Variants in IL32 observed in about 807,000 individuals in gnomAD.
IL32 encodes the protein interleukin-32.
In IL32, 30 loss-of-function variants were observed where a neutral mutation model predicts 16.6. The ratio of observed to expected loss-of-function variants is 1.81; its 90% CI spans 1.35 to 2.45. The LOEUF (loss-of-function observed/expected upper bound fraction) is 2.45, where lower values mean the gene tolerates loss of function less well. IL32 is among the 30% of genes most tolerant of loss of function. IL32 has a pLI of 0.00. For synonymous variants in IL32, 70 were observed against 86.1 expected (o/e 0.81, Z 1.03); for missense variants, 234 against 229.8 (o/e 1.02, Z -0.12).
intron 4 of IL32, 175 bp downstream of exon 4, chr16:3,067,788 G>C: frequency 2.5e-6 from 2 of 806,372 alleles, no homozygotes; most frequent in Non-Finnish European, 4.1e-6. Context: ...GGATCTGGAC[G>C]CCCGGGGAGA....
Position 3,065,704 on chromosome 16 carries a change from C to A in IL32, c.-29+17C>A. On this transcript the variant is annotated intron_variant, in intron 1 of 6. Transcript: ENST00000525643. ...TCATCTCAGGTGGGGAGTTGGGGTC[C>A]CCGAAGGTGAGGACCCTCTGGGGAG... The A allele has an allele frequency of 7.7e-7, 1 of 1,290,344 alleles. No individual in the cohort carries two copies. Among genetic ancestry groups the A allele is most frequent in the Non-Finnish European group, 1.1e-6 (1 of 885,032 alleles). 79.9% of individuals were successfully genotyped at this position (1,290,344 alleles called of 1,614,324 possible). A position where few individuals can be genotyped will look rare whatever the true frequency, so the allele number is the denominator to read the frequency against.
intron 6 of IL32, 141 bp downstream of exon 6, chr16:3,068,380 A>G: frequency 1.3e-6 from 1 of 744,544 alleles, no homozygotes; most frequent in Non-Finnish European, 2.2e-6. Flanking sequence ...ATCTTGGCTC[A>G]CTGCAACCTC....
At chr16:3,068,796 C>T in intron 6 of IL32, 194 bp from the exon 7 acceptor site, 1 of 864,226 alleles carries the variant, frequency 1.2e-6, no homozygotes, top group Non-Finnish European at 1.8e-6. Context: ...CATCCTGTCA[C>T]TGCCATGGAG....
chr16:3,065,843 G>T lies in IL32; in HGVS notation c.15+17G>T, dbSNP rs374370998. On this transcript the variant is annotated intron_variant, in intron 2 of 6. Transcript: ENST00000525643. ...TTCCCGAAGGTGAGTGAGAGGCTGCGTGTGCTTTTGTGGGCATGTCTGAAA... is the reference window on the plus strand; with the variant it reads ...TTCCCGAAGGTGAGTGAGAGGCTGCTTGTGCTTTTGTGGGCATGTCTGAAA... The T allele has an allele frequency of 1.2e-6, 2 of 1,614,052 alleles. No individual in the cohort carries two copies. Among genetic ancestry groups the T allele is most frequent in the Non-Finnish European group, 1.7e-6 (2 of 1,180,028 alleles).
In IL32 at chr16:3,067,721, T is replaced by C. The variant is rs760631512; in HGVS notation, c.114+108T>C. The C allele has an allele frequency of 5.2e-6, 5 of 965,804 alleles. No individual in the cohort carries two copies. The South Asian group carries it at 7.1e-5, about 14-fold the overall frequency. 59.8% of individuals were successfully genotyped at this position (965,804 alleles called of 1,614,324 possible). On this transcript the variant is annotated intron_variant, in intron 4 of 6. Coordinates refer to ENST00000525643, the MANE Select transcript of IL32 (RefSeq NM_001376923.1). The stretch of plus-strand genomic sequence containing the variant: ...GATGAAGAGGGACCCACAGGCTCCC[T>C]CACCCCTTACCGTGGGCAAATGCTT...
At chr16:3,065,932 CAG>C (rs1956258913) in intron 2 of IL32, 106 bp downstream of exon 2, 2 of 1,317,210 alleles carry the variant, frequency 1.5e-6, no homozygotes, top group Non-Finnish European at 2.2e-6. Flanking sequence ...AGGGCTCAGT[CAG>C]GGGCACCCAG....
intron 2 of IL32, among the ~76,000 whole-genome samples, chr16:3,067,156 C>T (rs937346411): frequency 1.5e-4 from 23 of 152,104 alleles, no homozygotes; most frequent in African/African-American, 4.3e-4. Flanking sequence ...TGAGCCGGCT[C>T]CTGAGAGAAG....
intron 3 of IL32, 36 bp from the exon 4 acceptor site, chr16:3,067,517 TC>T: frequency 6.2e-7 from 1 of 1,613,992 alleles, no homozygotes; most frequent in Non-Finnish European, 8.5e-7. Flanking sequence ...GGGACAAGGA[TC>T]CGGCCCTTTG....
intron 2 of IL32, 74 bp from the exon 3 acceptor site, chr16:3,067,303 G>GTGTGTGTGTGTC: frequency 1.4e-6 from 1 of 726,282 alleles, no homozygotes; most frequent in South Asian, 1.7e-5. Context: ...GTGTGTGTGT[G>GTGTGTGTGTGTC]TGTGTGTATA....
intron 2 of IL32, among the ~76,000 whole-genome samples, chr16:3,066,960 A>T (rs1467384): frequency 0.11 from 10,585 of 92,552 alleles, 519 homozygotes; most frequent in African/African-American, 0.16. Flanking sequence ...AGGCCCACGC[A>T]GGCCCTGCTC....
rs138241460 is a variant in IL32, at chr16:3,068,254, C to T, written c.201+15C>T. The T allele has an allele frequency of 3.2e-6, 5 of 1,580,184 alleles. No homozygotes were observed. In the African/African-American group the frequency reaches 6.7e-5, roughly 21 times the overall value. On this transcript the variant is annotated intron_variant, in intron 6 of 6. Coordinates refer to ENST00000525643, the MANE Select transcript of IL32 (RefSeq NM_001376923.1). ...AGCAGCACCCAGTGAGTATGACACA[C>T]CCATCTGGGCACCTTGCCTTCCTTC...
At position 3,067,410 on chromosome 16, in the gene IL32, C is replaced by A; in HGVS notation, c.49C>A (p.Arg17=). The change falls in exon 3 of 7, where the codon CGA becomes AGA. Residue 17 remains arginine, a synonymous_variant. Coordinates refer to ENST00000525643, the MANE Select transcript of IL32 (RefSeq NM_001376923.1). ...LSDDMKKLKA[R]MHQAIERFYD... is the part of the protein sequence containing the mutation. ...TGATGACATGAAGAAGCTGAAGGCC[C>A]GAATGGTAATGCTCCTCCCTACTTC... is the stretch of plus-strand genomic sequence containing the variant. 1.3e-6 allele frequency: 2 copies of A among 1,575,424 alleles called. No individual in the cohort carries two copies. The highest frequency in any genetic ancestry group is 1.2e-5 in the South Asian group (1 of 86,370).
chr16:3,065,531 CTG>C (rs1956220706), upstream of IL32: 1 of 572,650 alleles, frequency 1.7e-6, no homozygotes, highest in African/African-American at 1.9e-5. Context: ...GTCTCTGTCT[CTG>C]TCTCTGTCTG....
rs1956819498 is a variant in IL32 at position 3,069,365 on chromosome 16, C to T, written c.*10C>T. 3.2e-6 allele frequency: 5 copies of T among 1,571,766 alleles called. No homozygotes were observed. Among genetic ancestry groups the T allele is most frequent in the Non-Finnish European group, 4.3e-6 (5 of 1,158,518 alleles). On this transcript the variant is annotated 3_prime_UTR_variant, in exon 7 of 7. Transcript: ENST00000525643. ...CCAATCCTCAAAATGAAGATACTGACACCACCTTTGCCCTCCCCGTCACCG... is the reference window on the plus strand; with the variant it reads ...CCAATCCTCAAAATGAAGATACTGATACCACCTTTGCCCTCCCCGTCACCG...
At position 3,065,661 on chromosome 16, in the gene IL32, T is replaced by G; in HGVS notation, c.-55T>G. 1 of 790,546 alleles carries G rather than the reference T, an allele frequency of 1.3e-6. No homozygotes were observed. The highest frequency in any genetic ancestry group is 1.8e-5 in the Admixed American group (1 of 54,198). The allele number at this position is 790,546 out of a possible 1,614,324, so 49.0% of individuals were successfully genotyped here. A position where few individuals can be genotyped will look rare whatever the true frequency, so the allele number is the denominator to read the frequency against. On this transcript the variant is annotated 5_prime_UTR_variant, in exon 1 of 7. Coordinates refer to ENST00000525643, the MANE Select transcript of IL32 (RefSeq NM_001376923.1). Reference sequence around the variant, plus strand: ...AGGAAGACTGCGTGCAGAAGGTGACTGTCTCAGTGGAGCTGGGTCATCTCA... The same window carrying G: ...AGGAAGACTGCGTGCAGAAGGTGACGGTCTCAGTGGAGCTGGGTCATCTCA...
chr16:3,066,185 T>G (rs9927163), intron 2 of IL32, among the ~76,000 whole-genome samples: 71,248 of 151,930 alleles, frequency 0.47, 18,789 homozygotes, highest in East Asian at 0.97. Context: ...GTGTGGGTCC[T>G]GGTGTCTCTT....
At chr16:3,067,962 C>A in intron 4 of IL32, 22 bp from the exon 5 acceptor site, 1 of 1,613,988 alleles carries the variant, frequency 6.2e-7, no homozygotes. Flanking sequence ...GGGCCTGGAA[C>A]CGAGTGCTTT....
intron 1 of IL32, 41 bp downstream of exon 1, chr16:3,065,728 A>G (rs1038413238): frequency 4.0e-6 from 6 of 1,506,422 alleles, no homozygotes; most frequent in Non-Finnish European, 4.6e-6. Context: ...CCCTCTGGGG[A>G]GGAGGGTGCT....
chr16:3,067,875 G>A, intron 4 of IL32, 109 bp from the exon 5 acceptor site: 2 of 1,334,198 alleles, frequency 1.5e-6, no homozygotes, highest in Non-Finnish European at 1.1e-6. Context: ...CCCCTGGCTG[G>A]GCCCAGTTCG....
Sources: allele counts gnomAD v4.1 joint callset (sites outside exome capture counted in the v4.1 genomes callset), GRCh38; gene constraint gnomAD v4.1.1; transcripts MANE v1.5; gene names NCBI Gene and HGNC (gene_info 2026-07-23, HGNC 2026-07-21).